The following PAK2 variants were observed in gnomAD, a reference collection of about 807,000 sequenced individuals.
The protein encoded by PAK2 is p21 (RAC1) activated kinase 2.
Under a neutral mutation model 65.9 loss-of-function variants are expected in PAK2, and 21 were observed. The ratio of observed to expected loss-of-function variants is 0.32; its 90% CI spans 0.23 to 0.46. PAK2 has a LOEUF of 0.46. Ranked by LOEUF, PAK2 falls within the 20% of genes least tolerant of loss-of-function variation. The pLI is 1.00. For missense variants in PAK2, 324 were observed against 642.6 expected, an observed-to-expected ratio of 0.50 and a Z score of 5.36; for synonymous variants, 204 against 219.7, an observed-to-expected ratio of 0.93 and a Z score of 0.63.
chr3:196,790,619 G>C (rs574011132), intron 2 of PAK2, among the ~76,000 whole-genome samples: 2 of 152,098 alleles, frequency 1.3e-5, no homozygotes, highest in Non-Finnish European at 1.5e-5. Flanking sequence ...GGTCCGTCCC[G>C]CAGACCCTGA....
chr3:196,810,752 A>G (rs1715751138), intron 8 of PAK2, 99 bp downstream of exon 8: 1 of 697,200 alleles, frequency 1.4e-6, no homozygotes, highest in East Asian at 2.6e-5. Flanking sequence ...AAGTACTTAT[A>G]TAGTATTCTG....
At chr3:196,760,289 C>T (rs1255617732) in intron 1 of PAK2, among the ~76,000 whole-genome samples, 2 of 152,012 alleles carry the variant, frequency 1.3e-5, no homozygotes, top group Non-Finnish European at 2.9e-5. Context: ...CTTGCACTGT[C>T]GCCCAGGCTG....
At chr3:196,790,605 T>C (rs1220102456) in intron 2 of PAK2, among the ~76,000 whole-genome samples, 1 of 152,172 alleles carries the variant, frequency 6.6e-6, no homozygotes, top group African/African-American at 2.4e-5. Context: ...GTGTAACATG[T>C]AGGGGTCCGT....
intron 1 of PAK2, among the ~76,000 whole-genome samples, chr3:196,770,273 A>G: frequency 6.6e-6 from 1 of 152,056 alleles, no homozygotes; most frequent in East Asian, 1.9e-4. Flanking sequence ...AAGTATATAT[A>G]TACAGTATTT....
intron 13 of PAK2, among the ~76,000 whole-genome samples, chr3:196,826,240 C>T (rs917367872): frequency 1.8e-4 from 27 of 151,376 alleles, no homozygotes; most frequent in African/African-American, 6.1e-4. Context: ...GGCGCAATCT[C>T]GGCTCACTGC....
At chr3:196,808,172 G>T (rs1169888330) in intron 7 of PAK2, 2 of 272,670 alleles carry the variant, frequency 7.3e-6, no homozygotes, top group Non-Finnish European at 1.4e-5. Flanking sequence ...ACAAAAATTA[G>T]CTGGATGTGC....
chr3:196,811,156 G>C (rs1324973791), intron 8 of PAK2, among the ~76,000 whole-genome samples: 1 of 148,566 alleles, frequency 6.7e-6, no homozygotes, highest in Non-Finnish European at 1.5e-5. Context: ...AATTTAGAGT[G>C]AGGGCTTAAG....
intron 11 of PAK2, among the ~76,000 whole-genome samples, chr3:196,815,264 G>T (rs1264449834): frequency 6.6e-6 from 1 of 152,000 alleles, no homozygotes; most frequent in Non-Finnish European, 1.5e-5. Flanking sequence ...GCCAAGGCAG[G>T]CAGATTCCCT....
Position 196,829,630 on chromosome 3 carries a change from G to T in PAK2, c.*1225G>T, listed in dbSNP as rs1358775925. On this transcript the variant is annotated 3_prime_UTR_variant, in exon 15 of 15. Coordinates refer to ENST00000327134, the MANE Select transcript of PAK2 (RefSeq NM_002577.4). ...GCAAATCGACTGTAGAGACTTGGCG[G>T]CGGTGGCATTGCCCCAGGTCGTCAG... 1 of 152,176 alleles carries T rather than the reference G, an allele frequency of 6.6e-6. No homozygotes were observed. The highest frequency in any genetic ancestry group is 2.4e-5 in the African/African-American group (1 of 41,430). The allele number at this position is 152,176 out of a possible 1,614,324, so 9.4% of individuals were successfully genotyped here. A position where few individuals can be genotyped will look rare whatever the true frequency, so the allele number is the denominator to read the frequency against.
At chr3:196,810,419 T>C (rs976171824) in intron 7 of PAK2, among the ~76,000 whole-genome samples, 171 bp from the exon 8 acceptor site, 1 of 152,132 alleles carries the variant, frequency 6.6e-6, no homozygotes, top group Non-Finnish European at 1.5e-5. Context: ...TTTTATTATG[T>C]ATTTAAGTTT....
At chr3:196,788,069 TG>T (rs1223294307) in intron 2 of PAK2, among the ~76,000 whole-genome samples, 12 of 152,262 alleles carry the variant, frequency 7.9e-5, no homozygotes, top group Admixed American at 3.9e-4. Flanking sequence ...ATTTTCCCAC[TG>T]ACATCCTAAC....
At chr3:196,769,860 G>A (rs1277517252) in intron 1 of PAK2, among the ~76,000 whole-genome samples, 2 of 151,886 alleles carry the variant, frequency 1.3e-5, no homozygotes, top group Non-Finnish European at 2.9e-5. Context: ...CATCCATTAA[G>A]CCGTAACTCT....
At chr3:196,817,831 C>A (rs186177487) in intron 11 of PAK2, among the ~76,000 whole-genome samples, 1 of 152,180 alleles carries the variant, frequency 6.6e-6, no homozygotes, top group East Asian at 1.9e-4. Context: ...AGCGGATCTA[C>A]TGACTTTTTA....
chr3:196,821,756 G>T (rs1332201092), intron 13 of PAK2, among the ~76,000 whole-genome samples: 2 of 146,424 alleles, frequency 1.4e-5, no homozygotes, highest in Non-Finnish European at 3.1e-5. Flanking sequence ...ATATAAAATG[G>T]TACATCTGCT....
At position 196,814,635 on chromosome 3, in the gene PAK2, T is replaced by A. The variant is rs959171735; in HGVS notation, c.1053+67T>A. 6 of 744,318 alleles carry A rather than the reference T, an allele frequency of 8.1e-6. No homozygotes were observed. In the African/African-American group the frequency reaches 1.1e-4, roughly 13 times the overall value. 46.1% of individuals were successfully genotyped at this position (744,318 alleles called of 1,614,324 possible). On this transcript the variant is annotated intron_variant, in intron 11 of 14. Transcript: ENST00000327134. The stretch of plus-strand genomic sequence containing the variant: ...TTAGCAAGAAGTGAACAAAAGGAAA[T>A]TTTTCTGCACAGGTAATTGTTATTG...
chr3:196,805,346 AT>A lies in PAK2; in HGVS notation c.437-4del. 7.1e-7 allele frequency: 1 copy of A among 1,416,418 alleles called. No individual in the cohort carries two copies. Among genetic ancestry groups the A allele is most frequent in the Non-Finnish European group, 9.6e-7 (1 of 1,036,590 alleles). 87.7% of individuals were successfully genotyped at this position (1,416,418 alleles called of 1,614,324 possible). On this transcript the variant is annotated splice_polypyrimidine_tract_variant and splice_region_variant and intron_variant, in intron 4 of 14. Transcript: ENST00000327134. ...TTGCTAATGTTATGTTTTGTTTCATATTCAGAGAAAGATGGCTTTCCTTCTG... is the reference window on the plus strand; with the variant it reads ...TTGCTAATGTTATGTTTTGTTTCATATCAGAGAAAGATGGCTTTCCTTCTG...
chr3:196,771,541 C>T (rs866144375), intron 1 of PAK2, among the ~76,000 whole-genome samples: 6 of 150,550 alleles, frequency 4.0e-5, no homozygotes, highest in African/African-American at 1.2e-4. Context: ...CTAATCTACT[C>T]ATCTCCTCTT....
chr3:196,809,103 C>T (rs928429342), intron 7 of PAK2, among the ~76,000 whole-genome samples: 1 of 150,668 alleles, frequency 6.6e-6, no homozygotes, highest in African/African-American at 2.4e-5. Flanking sequence ...AGAAAATTAA[C>T]GAGACCTGGT....
At chr3:196,767,761 TG>T (rs1714221247) in intron 1 of PAK2, among the ~76,000 whole-genome samples, 1 of 152,126 alleles carries the variant, frequency 6.6e-6, no homozygotes, top group African/African-American at 2.4e-5. Flanking sequence ...CCCAGAGTGC[TG>T]GGATTACAGG....
Sources: gnomAD v4.1 joint callset for allele counts (sites outside exome capture counted in the v4.1 genomes callset) on GRCh38, gnomAD v4.1.1 for gene constraint, MANE v1.5 for transcripts, NCBI Gene and HGNC (gene_info 2026-07-23, HGNC 2026-07-21) for gene names.